Variants in FHOD3 observed in about 807,000 individuals in gnomAD.
The protein encoded by FHOD3 is formin homology 2 domain containing 3, also known as FH1/FH2 domain-containing protein 3.
In FHOD3, 90 loss-of-function variants were observed where a neutral mutation model predicts 173.0. That is an observed-to-expected ratio of 0.52 (90% CI 0.44 to 0.62). The LOEUF is 0.62. Among genes scored for constraint, FHOD3 ranks in the 20% least tolerant of loss-of-function variants. The probability of loss-of-function intolerance (pLI) is 0.00; values close to 1 mark genes in which losing one functional copy is unlikely to be tolerated. For synonymous variants in FHOD3, 828 were observed against 823.0 expected (o/e 1.01, Z -0.10); for missense variants, 1,945 against 2,034.7 (o/e 0.96, Z 0.85).
At chr18:36,314,798 C>G (rs1461107220) in intron 1 of FHOD3, among the ~76,000 whole-genome samples, 2 of 152,150 alleles carry the variant, frequency 1.3e-5, no homozygotes, top group Non-Finnish European at 2.9e-5. Flanking sequence ...GCCTCCTTGT[C>G]TAGGGATCCT....
At chr18:36,684,753 A>G (rs573892385) in intron 15 of FHOD3, among the ~76,000 whole-genome samples, 1 of 152,208 alleles carries the variant, frequency 6.6e-6, no homozygotes, top group African/African-American at 2.4e-5. Flanking sequence ...CATTCGTGTC[A>G]TCGGAGTCCC....
intron 10 of FHOD3, among the ~76,000 whole-genome samples, chr18:36,630,935 T>C (rs1372570528): frequency 6.6e-6 from 1 of 152,230 alleles, no homozygotes; most frequent in East Asian, 1.9e-4. Context: ...TCAGGAGTTG[T>C]AGCCAAGCCT....
intron 7 of FHOD3, among the ~76,000 whole-genome samples, chr18:36,595,826 C>T (rs540584236): frequency 1.3e-5 from 2 of 152,250 alleles, no homozygotes; most frequent in East Asian, 1.9e-4. Context: ...GTTTTCTTCC[C>T]CAGTAGGACT....
intron 3 of FHOD3, among the ~76,000 whole-genome samples, chr18:36,478,692 A>G (rs1599305648): frequency 6.6e-6 from 1 of 152,166 alleles, no homozygotes; most frequent in African/African-American, 2.4e-5. Flanking sequence ...ATTGGATTGT[A>G]TCCCACTTCT....
chr18:36,528,092 G>A (rs146222797), intron 5 of FHOD3, among the ~76,000 whole-genome samples: 38 of 152,290 alleles, frequency 2.5e-4, no homozygotes, highest in African/African-American at 9.1e-4. Context: ...TGCACAAGCA[G>A]GCACCTCTTA....
intron 17 of FHOD3, among the ~76,000 whole-genome samples, chr18:36,706,639 G>T (rs1185156459): frequency 6.6e-6 from 1 of 152,204 alleles, no homozygotes; most frequent in African/African-American, 2.4e-5. Flanking sequence ...CCCGCAGGCT[G>T]AAGTCAAATA....
intron 3 of FHOD3, among the ~76,000 whole-genome samples, chr18:36,428,511 A>C (rs1484134042): frequency 1.3e-5 from 2 of 152,154 alleles, no homozygotes; most frequent in Non-Finnish European, 2.9e-5. Context: ...TGTCGTGGAA[A>C]AGAGGAGCCA....
chr18:36,625,476 C>A (rs1568511480), intron 9 of FHOD3, 35 bp from the exon 10 acceptor site: 1 of 1,376,298 alleles, frequency 7.3e-7, no homozygotes, highest in East Asian at 2.7e-5. Context: ...GGATGCCAAG[C>A]CTGACCTTGC....
intron 8 of FHOD3, among the ~76,000 whole-genome samples, chr18:36,603,352 A>G (rs2031651526): frequency 1.3e-5 from 2 of 152,052 alleles, no homozygotes; most frequent in Non-Finnish European, 1.5e-5. Context: ...CGTGGAGTGG[A>G]TGCGTGCAGG....
chr18:36,570,116 A>T (rs2058402104), intron 5 of FHOD3, among the ~76,000 whole-genome samples: 1 of 152,068 alleles, frequency 6.6e-6, no homozygotes. Context: ...CAAAAAGCTG[A>T]TTCTGTGAAA....
chr18:36,352,222 C>T (rs181497226), intron 1 of FHOD3, among the ~76,000 whole-genome samples: 135 of 151,646 alleles, frequency 8.9e-4, no homozygotes, highest in African/African-American at 3.0e-3. Flanking sequence ...GACCAGCCTG[C>T]GCAACAGTGA....
intron 8 of FHOD3, among the ~76,000 whole-genome samples, chr18:36,604,566 GGAA>G (rs967316005): frequency 1.2e-4 from 18 of 152,174 alleles, no homozygotes; most frequent in Admixed American, 1.1e-3. Flanking sequence ...GTTGTTAAAT[GGAA>G]GTAAACAAAA....
intron 5 of FHOD3, among the ~76,000 whole-genome samples, chr18:36,548,052 C>T (rs1005772828): frequency 2.0e-5 from 3 of 152,044 alleles, no homozygotes; most frequent in Non-Finnish European, 2.9e-5. Flanking sequence ...ATTAGTTGGT[C>T]GTGATGGTGC....
At chr18:36,594,967 A>G in intron 7 of FHOD3, 69 bp downstream of exon 7, 1 of 982,740 alleles carries the variant, frequency 1.0e-6, no homozygotes, top group Non-Finnish European at 1.6e-6. Context: ...TCTGTGTTGT[A>G]CATGCTTGAG....
chr18:36,392,034 A>T (rs2048325813), intron 3 of FHOD3, among the ~76,000 whole-genome samples: 1 of 152,200 alleles, frequency 6.6e-6, no homozygotes, highest in Non-Finnish European at 1.5e-5. Context: ...TGTCCTGCCC[A>T]GTGGCACTGG....
chr18:36,744,003 C>G (rs767788405), intron 22 of FHOD3, 29 bp from the exon 23 acceptor site: 6 of 1,613,106 alleles, frequency 3.7e-6, no homozygotes, highest in African/African-American at 2.7e-5. Context: ...CTGCTTGAAA[C>G]ATGTCTTTTA....
At chr18:36,670,590 T>C (rs1258680627) in intron 14 of FHOD3, among the ~76,000 whole-genome samples, 1 of 152,250 alleles carries the variant, frequency 6.6e-6, no homozygotes, top group Non-Finnish European at 1.5e-5. Flanking sequence ...TTCTTGAATA[T>C]GTGGACTATA....
At chr18:36,310,197 T>C (rs114048407) in intron 1 of FHOD3, among the ~76,000 whole-genome samples, 3,622 of 152,272 alleles carry the variant, frequency 0.024, 156 homozygotes, top group African/African-American at 0.083. Context: ...TTACACAGGC[T>C]GGGGAGTAGA....
At position 36,649,358 on chromosome 18, in the gene FHOD3, T is replaced by C; in HGVS notation, c.1239T>C (p.Ser413=). 6.5e-7 allele frequency: 1 copy of C among 1,535,824 alleles called. No individual in the cohort carries two copies. The highest frequency in any genetic ancestry group is 8.7e-7 in the Non-Finnish European group (1 of 1,146,736). The change falls in exon 11 of 29, where the codon AGT becomes AGC. Residue 413 remains serine (S), a synonymous_variant. Transcript: ENST00000590592. ...AGGAGCAGCCAATCACGGAGCCCAG[T>C]TCCGAAGAAGAGAGAGAGGATGATG... ...EEEEQPITEP[S]SEEEREDDAS...
Sources: gnomAD v4.1 joint callset for allele counts (sites outside exome capture counted in the v4.1 genomes callset) on GRCh38, gnomAD v4.1.1 for gene constraint, MANE v1.5 for transcripts, NCBI Gene and HGNC (gene_info 2026-07-23, HGNC 2026-07-21) for gene names.